STPG2: variants seen among roughly 807,000 people sequenced by gnomAD.
The protein encoded by STPG2 is sperm-tail PG-rich repeat-containing protein 2.
A neutral mutation model predicts 54.2 loss-of-function variants in STPG2; 56 were observed. That is an observed-to-expected ratio of 1.03 (90% CI 0.83 to 1.29). STPG2 has a LOEUF of 1.29. Among genes scored for constraint, STPG2 ranks in the 50% most tolerant of loss-of-function variants. STPG2 has a pLI of 0.00. For missense variants in STPG2, 596 were observed against 544.9 expected, an observed-to-expected ratio of 1.09 and a Z score of -0.93; for synonymous variants, 200 against 181.8, an observed-to-expected ratio of 1.10 and a Z score of -0.81.
intron 10 of STPG2, among the ~76,000 whole-genome samples, chr4:97,587,961 T>C (rs774499882): frequency 6.6e-6 from 1 of 152,004 alleles, no homozygotes; most frequent in Non-Finnish European, 1.5e-5. Context: ...ATGGCTGTGA[T>C]AGGAGGAAGA....
chr4:97,775,843 C>A (rs1726358305), intron 9 of STPG2, among the ~76,000 whole-genome samples: 1 of 152,278 alleles, frequency 6.6e-6, no homozygotes, highest in South Asian at 2.1e-4. Flanking sequence ...CTCATTGCAA[C>A]CTCTGCCTCC....
intron 5 of STPG2, among the ~76,000 whole-genome samples, chr4:98,002,787 G>A (rs541707331): frequency 6.6e-5 from 10 of 152,028 alleles, no homozygotes; most frequent in South Asian, 2.1e-4. Flanking sequence ...TAATAACAGC[G>A]TTTTTTAAAG....
chr4:97,688,074 A>G (rs934569755), intron 10 of STPG2, among the ~76,000 whole-genome samples: 1 of 152,174 alleles, frequency 6.6e-6, no homozygotes, highest in Non-Finnish European at 1.5e-5. Context: ...AGTTTGAACA[A>G]ATATTTATTT....
Position 97,981,319 on chromosome 4 carries a change from C to A in STPG2, c.613-1G>T. ...TGATTGATTTCATAGGTAAAAATCT[C>A]TAGTGAAGAACAGGAAAATATGCCA... On this transcript the variant is annotated splice_acceptor_variant, in intron 5 of 10. Transcript: ENST00000295268. LOFTEE classifies it high-confidence loss of function. The A allele has an allele frequency of 6.2e-7, 1 of 1,613,392 alleles. No individual in the cohort carries two copies. The highest frequency in any genetic ancestry group is 1.1e-5 in the South Asian group (1 of 90,986).
chr4:97,927,307 A>C (rs1004384411), intron 8 of STPG2, among the ~76,000 whole-genome samples: 1 of 152,124 alleles, frequency 6.6e-6, no homozygotes, highest in Non-Finnish European at 1.5e-5. Context: ...ACTTTTAGAA[A>C]ATGTTGGTAT....
At chr4:97,697,420 C>A (rs6532690) in intron 10 of STPG2, among the ~76,000 whole-genome samples, 89,476 of 152,006 alleles carry the variant, frequency 0.59, 26,647 homozygotes, top group South Asian at 0.68. Flanking sequence ...CTGCAGATGG[C>A]TTAGCAGCTA....
intron 9 of STPG2, among the ~76,000 whole-genome samples, chr4:97,775,380 A>C (rs1247943276): frequency 6.6e-6 from 1 of 152,192 alleles, no homozygotes; most frequent in African/African-American, 2.4e-5. Flanking sequence ...CATTAGGTAA[A>C]TCTCCTAATG....
intron 4 of STPG2, among the ~76,000 whole-genome samples, chr4:97,482,468 C>G (rs1430141946): frequency 2.6e-5 from 4 of 151,324 alleles, no homozygotes; most frequent in Non-Finnish European, 4.4e-5. Context: ...ATTCAGAGCT[C>G]AAAGACAAAA....
At chr4:97,952,911 G>T (rs1293102198) in intron 7 of STPG2, among the ~76,000 whole-genome samples, 1 of 152,138 alleles carries the variant, frequency 6.6e-6, no homozygotes, top group African/African-American at 2.4e-5. Context: ...GTAATGCATT[G>T]TGTCAGTCAG....
intron 10 of STPG2, among the ~76,000 whole-genome samples, chr4:97,708,236 T>G (rs1724011214): frequency 6.6e-6 from 1 of 151,876 alleles, no homozygotes; most frequent in Admixed American, 6.6e-5. Flanking sequence ...AATCAAATGG[T>G]TTTTTTGAAA....
chr4:98,050,784 T>C (rs998589167), intron 5 of STPG2, among the ~76,000 whole-genome samples: 1 of 151,990 alleles, frequency 6.6e-6, no homozygotes, highest in East Asian at 1.9e-4. Flanking sequence ...GGCGGGTGGA[T>C]CATGAGGTCA....
intron 5 of STPG2, among the ~76,000 whole-genome samples, chr4:98,079,361 A>G (rs1163655807): frequency 2.0e-5 from 3 of 152,192 alleles, no homozygotes; most frequent in Non-Finnish European, 2.9e-5. Flanking sequence ...CACTACTGAC[A>G]ATGATAAAAC....
chr4:97,447,112 C>G (rs141760758), intron 4 of STPG2, among the ~76,000 whole-genome samples: 2 of 152,062 alleles, frequency 1.3e-5, no homozygotes, highest in Non-Finnish European at 2.9e-5. Context: ...CATATGGAGA[C>G]GAGGAACTCA....
At chr4:97,961,294 G>T (rs1469754007) in intron 7 of STPG2, among the ~76,000 whole-genome samples, 1 of 152,090 alleles carries the variant, frequency 6.6e-6, no homozygotes, top group Non-Finnish European at 1.5e-5. Flanking sequence ...CTTAGGCAAA[G>T]ATTTCATGAC....
chr4:97,827,386 C>A (rs1005266789), intron 9 of STPG2, among the ~76,000 whole-genome samples: 2 of 151,972 alleles, frequency 1.3e-5, no homozygotes, highest in Non-Finnish European at 2.9e-5. Flanking sequence ...CAGGCGCCCA[C>A]CACCATGTCC....
intron 4 of STPG2, among the ~76,000 whole-genome samples, chr4:97,470,872 T>C (rs946268209): frequency 4.6e-5 from 7 of 152,114 alleles, no homozygotes; most frequent in Non-Finnish European, 1.0e-4. Flanking sequence ...GTGAATGACA[T>C]AGGCATTGCG....
intron 9 of STPG2, among the ~76,000 whole-genome samples, chr4:97,713,597 C>A (rs905145000): frequency 3.3e-5 from 5 of 152,160 alleles, no homozygotes; most frequent in Non-Finnish European, 1.5e-5. Context: ...CAACCAAGAT[C>A]CCTTGCATGT....
At chr4:97,937,853 C>A (rs536164615) in intron 8 of STPG2, among the ~76,000 whole-genome samples, 1 of 152,270 alleles carries the variant, frequency 6.6e-6, no homozygotes, top group Admixed American at 6.5e-5. Context: ...GGGGCTGCTG[C>A]ACAACTGGGG....
At chr4:97,726,671 A>G (rs997210639) in intron 9 of STPG2, among the ~76,000 whole-genome samples, 1 of 151,892 alleles carries the variant, frequency 6.6e-6, no homozygotes, top group African/African-American at 2.4e-5. Context: ...ATTCTACTTC[A>G]CTCATCACTG....
Sources: allele counts gnomAD v4.1 joint callset (sites outside exome capture counted in the v4.1 genomes callset), GRCh38; gene constraint gnomAD v4.1.1; transcripts MANE v1.5; gene names NCBI Gene and HGNC (gene_info 2026-07-23, HGNC 2026-07-21).